PI4K2A: variants seen among roughly 807,000 people sequenced by gnomAD.
PI4K2A encodes the protein phosphatidylinositol 4-kinase type 2 alpha, also known as phosphatidylinositol 4-kinase type 2-alpha.
Under a neutral mutation model 55.0 loss-of-function variants are expected in PI4K2A, and 20 were observed. The ratio of observed to expected loss-of-function variants is 0.36; its 90% CI spans 0.26 to 0.53. The LOEUF is 0.53. Among genes scored for constraint, PI4K2A ranks in the 20% least tolerant of loss-of-function variants. The pLI, the probability that PI4K2A is intolerant of heterozygous loss-of-function variation, is 0.91. For missense variants in PI4K2A, 463 were observed against 637.1 expected (o/e 0.73, Z 2.94); for synonymous variants, 235 against 258.5 (o/e 0.91, Z 0.87).
At position 97,656,964 on chromosome 10, in the gene PI4K2A, C is replaced by T; in HGVS notation, c.912C>T (p.Ile304=). ...GGTTGGTGGTGCTGGATTACATCAT[C>T]CGCAACACTGGTGAGCAGCTGCAGG... is the stretch of plus-strand genomic sequence containing the variant. The change falls in exon 4 of 9, where the codon ATC becomes ATT. Residue 304 remains isoleucine (I), a synonymous_variant. Transcript: ENST00000370631. The surrounding 1 kb of genome is among the most constrained non-coding windows in gnomAD (Gnocchi z 4.5). 6.2e-7 allele frequency: 1 copy of T among 1,614,182 alleles called. No individual in the cohort carries two copies. The highest frequency in any genetic ancestry group is 1.1e-5 in the South Asian group (1 of 91,080).
chr10:97,670,401 AGTT>A (rs2041629183), intron 8 of PI4K2A, among the ~76,000 whole-genome samples: 1 of 152,138 alleles, frequency 6.6e-6, no homozygotes, highest in African/African-American at 2.4e-5. Flanking sequence ...TAGATTCTTC[AGTT>A]GTTATATTTA....
chr10:97,650,840 G>A lies in PI4K2A; in HGVS notation c.436-101G>A, dbSNP rs528569607. The A allele has an allele frequency of 7.4e-5, 62 of 838,854 alleles. No homozygotes were observed. In the East Asian group the frequency reaches 1.5e-3, roughly 20 times the overall value. The allele number at this position is 838,854 out of a possible 1,614,324, so 52.0% of individuals were successfully genotyped here. A position where few individuals can be genotyped will look rare whatever the true frequency, so the allele number is the denominator to read the frequency against. On this transcript the variant is annotated intron_variant, in intron 1 of 8. Coordinates refer to ENST00000370631, the Ensembl canonical transcript of PI4K2A. The stretch of plus-strand genomic sequence containing the variant: ...GTCCAACTGTAAGTAGGAATTGTCT[G>A]CCTATGCCCTGTCATTTCTTTCCAG...
exon 2 of PI4K2A, chr10:97,651,021 G>T (rs769484332): frequency 1.2e-6 from 2 of 1,614,066 alleles, no homozygotes; most frequent in East Asian, 4.5e-5. Flanking sequence ...GGCTGCAGAA[G>T]CTGTGCTGTC....
intron 1 of PI4K2A, 108 bp downstream of exon 1, chr10:97,641,285 C>G: frequency 1.3e-6 from 1 of 768,024 alleles, no homozygotes; most frequent in Non-Finnish European, 2.1e-6. Flanking sequence ...TTCACAGTAC[C>G]AGCCCCTGGC....
At chr10:97,674,658 T>A (rs1213021509) in exon 9 of PI4K2A, 2 of 152,186 alleles carry the variant, frequency 1.3e-5, no homozygotes, top group Non-Finnish European at 1.5e-5. Flanking sequence ...CGTTTTAAAT[T>A]TTTTCCCCCC....
rs142696924 is a variant in PI4K2A at position 97,646,453 on chromosome 10, G to A, written c.436-4488G>A. 3.4e-4 allele frequency among the ~76,000 whole-genome samples: 52 copies of A among 152,148 alleles called. 1 individual carries two copies. The highest frequency in any genetic ancestry group is 1.2e-3 in the African/African-American group (49 of 41,502). On this transcript the variant is annotated intron_variant, in intron 1 of 8. Coordinates refer to ENST00000370631, the Ensembl canonical transcript of PI4K2A. ...GGTGGTCTCAAACTCCTGATCTCAG[G>A]TGATCCACCCGCTTTGGCCTCCCAA...
intron 8 of PI4K2A, among the ~76,000 whole-genome samples, chr10:97,672,722 G>GTTT (rs201709914): frequency 0.093 from 8,646 of 93,256 alleles, 823 homozygotes; most frequent in South Asian, 0.16. Flanking sequence ...CAGAGGGTCT[G>GTTT]TTCTTTTTTT....
At chr10:97,641,093 C>T in exon 1 of PI4K2A, 1 of 1,608,762 alleles carries the variant, frequency 6.2e-7, no homozygotes, top group Non-Finnish European at 8.5e-7. Flanking sequence ...TGCGGCAGGC[C>T]GAGCTGGCCA....
chr10:97,664,845 G>A (rs1321230869), intron 5 of PI4K2A, 40 bp from the exon 6 acceptor site: 8 of 1,377,588 alleles, frequency 5.8e-6, no homozygotes, highest in Non-Finnish European at 8.3e-6. Flanking sequence ...GCCTGAGGGA[G>A]ATGGGTTTCC....
At chr10:97,652,831 T>C (rs1313793492) in intron 2 of PI4K2A, among the ~76,000 whole-genome samples, 1 of 152,218 alleles carries the variant, frequency 6.6e-6, no homozygotes, top group Non-Finnish European at 1.5e-5. Flanking sequence ...AGCAAAATAC[T>C]ATATTTATAG....
chr10:97,669,374 C>T (rs1386490269), intron 8 of PI4K2A, among the ~76,000 whole-genome samples: 4 of 152,146 alleles, frequency 2.6e-5, no homozygotes, highest in East Asian at 1.9e-4. Flanking sequence ...TGCCTCTGTC[C>T]GTATTGCAAT....
chr10:97,653,940 C>A (rs78420386), intron 2 of PI4K2A, among the ~76,000 whole-genome samples: 3,964 of 152,252 alleles, frequency 0.026, 165 homozygotes, highest in East Asian at 0.15. Context: ...ACTTGTCTTC[C>A]ATGAGACTGA....
chr10:97,670,021 C>A (rs748374734), intron 8 of PI4K2A, among the ~76,000 whole-genome samples: 3 of 152,172 alleles, frequency 2.0e-5, no homozygotes, highest in Non-Finnish European at 2.9e-5. Flanking sequence ...GTCCTCCCCC[C>A]TCAGCCTCCT....
At chr10:97,663,228 C>G (rs549401873) in intron 5 of PI4K2A, among the ~76,000 whole-genome samples, 1 of 152,312 alleles carries the variant, frequency 6.6e-6, no homozygotes, top group East Asian at 1.9e-4. Flanking sequence ...CTTTGAGCTT[C>G]TTATTGCACA....
At chr10:97,641,160 G>C in exon 1 of PI4K2A, 1 of 1,605,840 alleles carries the variant, frequency 6.2e-7, no homozygotes, top group Non-Finnish European at 8.5e-7. Context: ...AAGCTACTTC[G>C]TCAAGGACCC....
At chr10:97,669,146 G>T (rs1009148651) in intron 8 of PI4K2A, among the ~76,000 whole-genome samples, 4 of 152,188 alleles carry the variant, frequency 2.6e-5, no homozygotes, top group African/African-American at 4.8e-5. Flanking sequence ...GATTACAGGA[G>T]TGAGCCACTG....
chr10:97,644,322 G>T (rs2041493797), intron 1 of PI4K2A, among the ~76,000 whole-genome samples: 1 of 152,122 alleles, frequency 6.6e-6, no homozygotes, highest in Admixed American at 6.5e-5. Flanking sequence ...CTGCACTCCA[G>T]CCTGGGCGAC....
intron 2 of PI4K2A, among the ~76,000 whole-genome samples, chr10:97,654,602 C>T (rs139993270): frequency 6.6e-6 from 1 of 152,166 alleles, no homozygotes; most frequent in Admixed American, 6.5e-5. Context: ...GTAACTCATT[C>T]TTCATTCACT....
At chr10:97,667,218 C>CTTT (rs1258198484) in intron 8 of PI4K2A, 98 bp downstream of exon 8, 16,070 of 729,544 alleles carry the variant, frequency 0.022, 354 homozygotes, top group East Asian at 0.14. Flanking sequence ...ATACCCCCCC[C>CTTT]TTTTTTTTTG....
Sources: gnomAD v4.1 joint callset for allele counts (sites outside exome capture counted in the v4.1 genomes callset) on GRCh38, gnomAD v4.1.1 for gene constraint, Gnocchi (gnomAD v3.1) non-coding constraint, MANE v1.5 for transcripts, NCBI Gene and HGNC (gene_info 2026-07-23, HGNC 2026-07-21) for gene names.